The following ZC3HC1 variants were observed in gnomAD, a reference collection of about 807,000 sequenced individuals.
The protein encoded by ZC3HC1 is zinc finger C3HC-type protein 1.
In ZC3HC1, 38 loss-of-function variants were observed where a neutral mutation model predicts 61.9. That is an observed-to-expected ratio of 0.61 (90% CI 0.47 to 0.81). ZC3HC1 has a LOEUF of 0.81. Among genes scored for constraint, ZC3HC1 ranks in the 30% least tolerant of loss-of-function variants. ZC3HC1 has a pLI of 0.00. For synonymous variants in ZC3HC1, 213 were observed against 229.9 expected, an observed-to-expected ratio of 0.93 and a Z score of 0.67; for missense variants, 554 against 622.7, an observed-to-expected ratio of 0.89 and a Z score of 1.17.
chr7:130,051,160 C>G, intron 1 of ZC3HC1, 61 bp downstream of exon 1: 1 of 1,542,154 alleles, frequency 6.5e-7, no homozygotes, highest in East Asian at 2.4e-5. Context: ...AACCCGCCAC[C>G]CCTTCCCCAA....
At chr7:130,035,780 C>T (rs1270734787) in intron 4 of ZC3HC1, among the ~76,000 whole-genome samples, 2 of 152,202 alleles carry the variant, frequency 1.3e-5, no homozygotes, top group African/African-American at 4.8e-5. Context: ...TCACGCCTCG[C>T]CACTTTGCCT....
At chr7:130,032,287 A>T (rs1794234157) in intron 4 of ZC3HC1, among the ~76,000 whole-genome samples, 1 of 151,938 alleles carries the variant, frequency 6.6e-6, no homozygotes, top group Non-Finnish European at 1.5e-5. Context: ...CTCTCATAGA[A>T]GATTTTCAGA....
intron 2 of ZC3HC1, among the ~76,000 whole-genome samples, chr7:130,044,371 G>C (rs930631054): frequency 6.6e-6 from 1 of 152,132 alleles, no homozygotes; most frequent in African/African-American, 2.4e-5. Flanking sequence ...AAGGATCCTT[G>C]TAAAATTGGC....
chr7:130,036,566 T>TA (rs1271549936), intron 4 of ZC3HC1: 4 of 151,686 alleles, frequency 2.6e-5, no homozygotes, highest in African/African-American at 7.2e-5. Flanking sequence ...CATCTCAAAA[T>TA]AAAAAATAAA....
intron 4 of ZC3HC1, among the ~76,000 whole-genome samples, chr7:130,035,301 A>C (rs1794387580): frequency 6.6e-6 from 1 of 151,648 alleles, no homozygotes. Context: ...CTGAGGCAGA[A>C]GAATCGCTTG....
intron 9 of ZC3HC1, among the ~76,000 whole-genome samples, chr7:130,020,967 G>A (rs1192907017): frequency 6.6e-6 from 1 of 151,694 alleles, no homozygotes; most frequent in African/African-American, 2.4e-5. Flanking sequence ...GCGCAACCTC[G>A]GCTCACTGCA....
At chr7:130,049,717 A>G (rs975133710) in intron 1 of ZC3HC1, among the ~76,000 whole-genome samples, 2 of 151,374 alleles carry the variant, frequency 1.3e-5, no homozygotes, top group African/African-American at 4.9e-5. Flanking sequence ...GGCCCGGCTA[A>G]TTTTTTGTAT....
chr7:130,030,487 A>G (rs1305130322), intron 4 of ZC3HC1, among the ~76,000 whole-genome samples: 3 of 152,042 alleles, frequency 2.0e-5, no homozygotes, highest in Non-Finnish European at 4.4e-5. Context: ...GGCGTAAGTC[A>G]CCACGCCCAG....
intron 2 of ZC3HC1, among the ~76,000 whole-genome samples, chr7:130,048,043 C>T (rs573310595): frequency 2.0e-5 from 3 of 151,964 alleles, no homozygotes; most frequent in Non-Finnish European, 4.4e-5. Flanking sequence ...TGGCCAATGG[C>T]CAGTATAGAA....
chr7:130,039,321 G>A (rs1197572881), intron 4 of ZC3HC1, 143 bp downstream of exon 4: 5 of 711,824 alleles, frequency 7.0e-6, no homozygotes, highest in Non-Finnish European at 9.3e-6. Flanking sequence ...TCCAGCCTGG[G>A]CAACAAGAGT....
intron 2 of ZC3HC1, chr7:130,043,668 G>T: frequency 6.5e-6 from 2 of 310,072 alleles, no homozygotes; most frequent in South Asian, 5.5e-5. Context: ...GCCATTAGGC[G>T]GTGAACAAGG....
At chr7:130,049,186 A>T (rs773043989) in intron 1 of ZC3HC1, 42 bp from the exon 2 acceptor site, 2 of 1,455,484 alleles carry the variant, frequency 1.4e-6, no homozygotes, top group South Asian at 2.6e-5. Flanking sequence ...CTTTCACAGT[A>T]CCCTCTGCTT....
intron 1 of ZC3HC1, among the ~76,000 whole-genome samples, chr7:130,049,541 A>C (rs1313752695): frequency 6.8e-6 from 1 of 147,954 alleles, no homozygotes; most frequent in Non-Finnish European, 1.5e-5. Context: ...ATCTCTTCAG[A>C]AATTCGACTT....
intron 2 of ZC3HC1, among the ~76,000 whole-genome samples, chr7:130,048,264 C>T (rs1385498249): frequency 6.6e-6 from 1 of 151,236 alleles, no homozygotes; most frequent in Non-Finnish European, 1.5e-5. Context: ...ATTCTCCTGC[C>T]TCAGACTCCT....
At chr7:130,028,518 G>A (rs1013741163) in intron 5 of ZC3HC1, among the ~76,000 whole-genome samples, 17 of 151,966 alleles carry the variant, frequency 1.1e-4, no homozygotes, top group African/African-American at 4.1e-4. Flanking sequence ...CTCCAGCCTG[G>A]GTGACAGAAA....
chr7:130,048,320 T>G (rs1019015246), intron 2 of ZC3HC1, among the ~76,000 whole-genome samples: 1 of 151,954 alleles, frequency 6.6e-6, no homozygotes, highest in African/African-American at 2.4e-5. Context: ...TGGCTAATTT[T>G]GTTTTGTTTT....
At chr7:130,029,070 T>A (rs1426421135) in intron 4 of ZC3HC1, 41 bp from the exon 5 acceptor site, 4 of 1,584,670 alleles carry the variant, frequency 2.5e-6, no homozygotes, top group Non-Finnish European at 3.4e-6. Context: ...TGGTGTAAAC[T>A]GTAAAAAATA....
chr7:130,045,700 G>A (rs560982897), intron 2 of ZC3HC1, among the ~76,000 whole-genome samples: 7 of 151,916 alleles, frequency 4.6e-5, no homozygotes. Context: ...TCAGGAGTTT[G>A]AGACCAGCCT....
At chr7:130,028,784 A>C in intron 5 of ZC3HC1, 118 bp downstream of exon 5, 1 of 1,366,476 alleles carries the variant, frequency 7.3e-7, no homozygotes, top group Non-Finnish European at 9.8e-7. Flanking sequence ...GTCAGATGAG[A>C]GACAGACAAG....
Sources: gnomAD v4.1 joint callset for allele counts (sites outside exome capture counted in the v4.1 genomes callset) on GRCh38, gnomAD v4.1.1 for gene constraint, MANE v1.5 for transcripts, NCBI Gene and HGNC (gene_info 2026-07-23, HGNC 2026-07-21) for gene names.